Variants in ZFHX3 observed in about 807,000 individuals in gnomAD.
The protein encoded by ZFHX3 is zinc finger homeobox 3.
A neutral mutation model predicts 279.1 loss-of-function variants in ZFHX3; 42 were observed. The ratio of observed to expected loss-of-function variants is 0.15; its 90% CI spans 0.12 to 0.19. The LOEUF (loss-of-function observed/expected upper bound fraction) is 0.19. Ranked by LOEUF, ZFHX3 falls within the 10% of genes least tolerant of loss-of-function variation. The pLI is 1.00. For missense variants in ZFHX3, 4,981 were observed against 4,754.0 expected (o/e 1.05, Z -1.40); for synonymous variants, 2,293 against 1,957.8 (o/e 1.17, Z -4.52).
intron 3 of ZFHX3, among the ~76,000 whole-genome samples, chr16:72,928,443 G>A (rs1334434971): frequency 5.9e-5 from 9 of 151,826 alleles, no homozygotes; most frequent in Admixed American, 1.3e-4. Context: ...ACAACCCCTC[G>A]GCCCAAGTCT....
chr16:73,708,802 C>T lies in ZFHX3; in HGVS notation c.-1607-28562G>A, dbSNP rs149122879. On this transcript the variant is annotated intron_variant, in intron 1 of 17. Coordinates refer to the ZFHX3 transcript ENST00000641206. ...TTATCCTCTTTGTAGGGGACAGGAG[C>T]GGGGGATGTAGGTAACTTAGGGGAG... Among the ~76,000 whole-genome samples the T allele has an allele frequency of 1.7e-4, 26 of 151,986 alleles. No homozygotes were observed. The East Asian group carries it at 4.1e-3, about 24-fold the overall frequency.
At chr16:73,874,166 C>T (rs1312531434) in intron 1 of ZFHX3, among the ~76,000 whole-genome samples, 1 of 151,870 alleles carries the variant, frequency 6.6e-6, no homozygotes, top group African/African-American at 2.4e-5. Flanking sequence ...TGTAGGTGTA[C>T]CCAGTATCAA....
intron 3 of ZFHX3, among the ~76,000 whole-genome samples, chr16:73,451,335 G>A (rs1023622405): frequency 6.6e-6 from 1 of 152,164 alleles, no homozygotes. Flanking sequence ...GAGCCCCTAC[G>A]ATGCAATTCC....
chr16:73,494,798 C>A (rs575768090), intron 2 of ZFHX3, among the ~76,000 whole-genome samples: 163 of 152,080 alleles, frequency 1.1e-3, no homozygotes, highest in African/African-American at 3.7e-3. Context: ...GAACTCCCAA[C>A]CTCAGGTGAT....
intron 2 of ZFHX3, among the ~76,000 whole-genome samples, chr16:73,508,294 A>G (rs564090261): frequency 6.6e-6 from 1 of 152,322 alleles, no homozygotes; most frequent in Non-Finnish European, 1.5e-5. Context: ...ATAAAGTTAG[A>G]TCCAGTATTG....
chr16:72,917,749 T>C (rs571356407), intron 3 of ZFHX3, among the ~76,000 whole-genome samples: 1 of 152,362 alleles, frequency 6.6e-6, no homozygotes, highest in Admixed American at 6.5e-5. Flanking sequence ...ATCTTGGTAG[T>C]GAAATTAGGG....
chr16:73,624,589 G>C (rs183524089), intron 2 of ZFHX3, among the ~76,000 whole-genome samples: 4 of 150,398 alleles, frequency 2.7e-5, no homozygotes, highest in Non-Finnish European at 4.4e-5. Context: ...TTTTTCTATA[G>C]AATATTGACA....
At chr16:73,848,740 T>C (rs984663443) in intron 1 of ZFHX3, among the ~76,000 whole-genome samples, 6 of 152,228 alleles carry the variant, frequency 3.9e-5, no homozygotes, top group African/African-American at 1.2e-4. Flanking sequence ...AATTTCACTG[T>C]TGGTGACGGA....
Position 73,276,599 on chromosome 16 carries a change from A to C in ZFHX3, c.-1193-19463T>G, listed in dbSNP as rs73603349. Among the ~76,000 whole-genome samples the C allele has an allele frequency of 3.3e-3, 500 of 152,310 alleles. 3 individuals are homozygous for C. The highest frequency in any genetic ancestry group is 0.011 in the African/African-American group (467 of 41,562). ...TTCCATTTCTTTGGTTCTTTTAAAAATATTTCCTTTTTTTAGTGTATGTAT... is the reference window on the plus strand; with the variant it reads ...TTCCATTTCTTTGGTTCTTTTAAAACTATTTCCTTTTTTTAGTGTATGTAT... On this transcript the variant is annotated intron_variant, in intron 4 of 17. Coordinates refer to the ZFHX3 transcript ENST00000641206.
At chr16:73,479,652 G>T (rs1473634425) in intron 2 of ZFHX3, among the ~76,000 whole-genome samples, 2 of 152,148 alleles carry the variant, frequency 1.3e-5, no homozygotes, top group Non-Finnish European at 2.9e-5. Flanking sequence ...TCCTCAGTCT[G>T]TCATCCTGTG....
chr16:72,829,964 C>G (rs2037025307), intron 4 of ZFHX3, 105 bp from the exon 5 acceptor site: 1 of 1,158,662 alleles, frequency 8.6e-7, no homozygotes, highest in Non-Finnish European at 1.3e-6. Context: ...ACACCAATGA[C>G]TCGTCCCCCT....
At chr16:72,823,634 A>C (rs1338631328) in intron 5 of ZFHX3, among the ~76,000 whole-genome samples, 1 of 152,192 alleles carries the variant, frequency 6.6e-6, no homozygotes, top group Non-Finnish European at 1.5e-5. Flanking sequence ...AGCCACAGAC[A>C]AGAGAAATCT....
At chr16:73,291,721 A>G (rs1446074426) in intron 4 of ZFHX3, among the ~76,000 whole-genome samples, 3 of 152,186 alleles carry the variant, frequency 2.0e-5, no homozygotes, top group African/African-American at 7.2e-5. Context: ...CATTACCTAG[A>G]ACCTGTCATG....
chr16:72,972,284 T>C lies in ZFHX3; in HGVS notation c.-49-12090A>G, dbSNP rs537789188. ...GAATTTGACTGGTGATCCCTCCCCC[T>C]TGAGTTCCTACCAGTCCACCATCCT... is the stretch of plus-strand genomic sequence containing the variant. On this transcript the variant is annotated intron_variant, in intron 1 of 9. Transcript: ENST00000268489. Among the ~76,000 whole-genome samples the C allele has an allele frequency of 2.6e-5, 4 of 152,196 alleles. No homozygotes were observed. In the East Asian group the frequency reaches 5.8e-4, roughly 22 times the overall value.
At chr16:73,021,454 C>T (rs1477210721) in intron 1 of ZFHX3, among the ~76,000 whole-genome samples, 1 of 152,192 alleles carries the variant, frequency 6.6e-6, no homozygotes, top group African/African-American at 2.4e-5. Flanking sequence ...CCAAGAACCT[C>T]AGAACATGGC....
intron 2 of ZFHX3, among the ~76,000 whole-genome samples, chr16:73,457,701 G>T (rs752664442): frequency 6.6e-6 from 1 of 152,188 alleles, no homozygotes; most frequent in Non-Finnish European, 1.5e-5. Context: ...CTTGAGCCTG[G>T]GAGGCGGAGG....
chr16:73,033,364 T>C (rs1171139808), intron 1 of ZFHX3, among the ~76,000 whole-genome samples: 5 of 152,128 alleles, frequency 3.3e-5, no homozygotes, highest in African/African-American at 4.8e-5. Flanking sequence ...TCAACTACTA[T>C]TGTTATTCAA....
At chr16:73,532,730 A>T (rs918063592) in intron 2 of ZFHX3, among the ~76,000 whole-genome samples, 1 of 152,174 alleles carries the variant, frequency 6.6e-6, no homozygotes, top group Non-Finnish European at 1.5e-5. Flanking sequence ...CTGTGTCCCC[A>T]CCCAAATCTC....
chr16:73,237,922 A>G (rs2013005003), intron 5 of ZFHX3, among the ~76,000 whole-genome samples: 1 of 151,950 alleles, frequency 6.6e-6, no homozygotes, highest in Admixed American at 6.6e-5. Context: ...CATTTGTACT[A>G]TTTTTACTTC....
Sources: allele counts gnomAD v4.1 joint callset (sites outside exome capture counted in the v4.1 genomes callset), GRCh38; gene constraint gnomAD v4.1.1; transcripts MANE v1.5; gene names NCBI Gene and HGNC (gene_info 2026-07-23, HGNC 2026-07-21).